THSD7A: variants seen among roughly 807,000 people sequenced by gnomAD.
THSD7A encodes the protein thrombospondin type 1 domain containing 7A.
In THSD7A, 96 loss-of-function variants were observed where a neutral mutation model predicts 231.3. That is an observed-to-expected ratio of 0.41 (90% CI 0.35 to 0.49). The LOEUF is 0.49. THSD7A is among the 20% of genes least tolerant of loss of function. The probability of loss-of-function intolerance (pLI) is 0.05; values close to 1 mark genes in which losing one functional copy is unlikely to be tolerated. For missense variants in THSD7A, 2,290 were observed against 2,070.2 expected, an observed-to-expected ratio of 1.11 and a Z score of -2.06; for synonymous variants, 940 against 743.3, an observed-to-expected ratio of 1.26 and a Z score of -4.30.
rs1190128893 is a variant in THSD7A, at chr7:11,373,097, A to G, written c.*2697T>C. The G allele has an allele frequency of 1.3e-5, 2 of 150,818 alleles. No homozygotes were observed. The highest frequency in any genetic ancestry group is 4.9e-5 in the African/African-American group (2 of 40,666). The allele number at this position is 150,818 out of a possible 1,614,324, so 9.3% of individuals were successfully genotyped here. Reference sequence around the variant, plus strand: ...TGTGTGTATATATATATATGCATGCATATATGCTGTAAAATCTAATTAATT... The same window carrying G: ...TGTGTGTATATATATATATGCATGCGTATATGCTGTAAAATCTAATTAATT... On this transcript the variant is annotated 3_prime_UTR_variant, in exon 28 of 28. Transcript: ENST00000423059.
intron 1 of THSD7A, among the ~76,000 whole-genome samples, chr7:11,750,186 T>G (rs1782452125): frequency 6.6e-6 from 1 of 151,862 alleles, no homozygotes; most frequent in Non-Finnish European, 1.5e-5. Flanking sequence ...GAGACAAGCA[T>G]GTAGCATACC....
intron 1 of THSD7A, among the ~76,000 whole-genome samples, chr7:11,780,869 T>A (rs960549562): frequency 1.3e-5 from 2 of 150,730 alleles, no homozygotes; most frequent in African/African-American, 2.4e-5. Flanking sequence ...CGGGCGCCTG[T>A]AGTCCCAGCT....
chr7:11,674,976 C>T (rs1354023304), intron 1 of THSD7A, among the ~76,000 whole-genome samples: 2 of 152,134 alleles, frequency 1.3e-5, no homozygotes, highest in Non-Finnish European at 1.5e-5. Context: ...GATTCCTAGA[C>T]AAGATGGCCG....
chr7:11,602,857 T>G (rs535297940), intron 2 of THSD7A, among the ~76,000 whole-genome samples: 1 of 151,354 alleles, frequency 6.6e-6, no homozygotes, highest in East Asian at 2.0e-4. Flanking sequence ...TTCTCAGGTT[T>G]TTATGGTTTT....
At chr7:11,771,942 G>T (rs1210160340) in intron 1 of THSD7A, among the ~76,000 whole-genome samples, 1 of 152,160 alleles carries the variant, frequency 6.6e-6, no homozygotes, top group Non-Finnish European at 1.5e-5. Context: ...TGTGATGTGT[G>T]TGCTCTCCTT....
intron 2 of THSD7A, among the ~76,000 whole-genome samples, chr7:11,623,565 G>T (rs976718514): frequency 6.6e-6 from 1 of 152,128 alleles, no homozygotes; most frequent in Admixed American, 6.6e-5. Flanking sequence ...CCCCATGGCT[G>T]ACTTCCTCTT....
chr7:11,420,110 G>A (rs1175953851), intron 16 of THSD7A, among the ~76,000 whole-genome samples: 1 of 152,172 alleles, frequency 6.6e-6, no homozygotes, highest in Non-Finnish European at 1.5e-5. Context: ...CCACGTGGTA[G>A]AAAAGAAAAA....
intron 1 of THSD7A, among the ~76,000 whole-genome samples, chr7:11,712,113 G>T (rs781116298): frequency 6.6e-6 from 1 of 150,974 alleles, no homozygotes; most frequent in Non-Finnish European, 1.5e-5. Flanking sequence ...CTAGACTTCT[G>T]TCTATGGTAT....
chr7:11,739,463 G>T (rs1048862401), intron 1 of THSD7A, among the ~76,000 whole-genome samples: 3 of 151,966 alleles, frequency 2.0e-5, no homozygotes, highest in Non-Finnish European at 2.9e-5. Context: ...TAGGGATGAA[G>T]AAAGTGGAAA....
At chr7:11,482,914 A>T (rs761191929) in intron 6 of THSD7A, among the ~76,000 whole-genome samples, 3 of 152,228 alleles carry the variant, frequency 2.0e-5, no homozygotes, top group Non-Finnish European at 2.9e-5. Context: ...CCAACAGAAT[A>T]ACCAAAACAG....
At chr7:11,785,672 C>T (rs1322626584) in intron 1 of THSD7A, among the ~76,000 whole-genome samples, 3 of 151,990 alleles carry the variant, frequency 2.0e-5, no homozygotes, top group Non-Finnish European at 4.4e-5. Flanking sequence ...TCAAGAAATC[C>T]ATGATAGAGT....
At chr7:11,644,171 C>G (rs1372425730) in intron 1 of THSD7A, among the ~76,000 whole-genome samples, 1 of 151,876 alleles carries the variant, frequency 6.6e-6, no homozygotes, top group Admixed American at 6.6e-5. Context: ...ATCGAAACAT[C>G]TTTTTGCTTA....
At chr7:11,487,521 T>C (rs1348403192) in intron 6 of THSD7A, among the ~76,000 whole-genome samples, 5 of 152,124 alleles carry the variant, frequency 3.3e-5, no homozygotes, top group Non-Finnish European at 2.9e-5. Context: ...TAATGCAAAA[T>C]ATACACATAT....
At chr7:11,403,615 G>T (rs1468401926) in intron 22 of THSD7A, among the ~76,000 whole-genome samples, 1 of 152,130 alleles carries the variant, frequency 6.6e-6, no homozygotes, top group Non-Finnish European at 1.5e-5. Context: ...TACATGGAAA[G>T]AAAACATACC....
At chr7:11,622,249 T>C (rs545125374) in intron 2 of THSD7A, among the ~76,000 whole-genome samples, 3 of 152,122 alleles carry the variant, frequency 2.0e-5, no homozygotes, top group Non-Finnish European at 4.4e-5. Flanking sequence ...TTATTCAATA[T>C]AACCCCATCT....
chr7:11,610,390 T>C (rs1780883938), intron 2 of THSD7A, among the ~76,000 whole-genome samples: 1 of 152,098 alleles, frequency 6.6e-6, no homozygotes, highest in Non-Finnish European at 1.5e-5. Flanking sequence ...ATGATGTAGA[T>C]AACCAAACAG....
At chr7:11,793,879 G>A (rs1054198854) in intron 1 of THSD7A, among the ~76,000 whole-genome samples, 2 of 151,620 alleles carry the variant, frequency 1.3e-5, no homozygotes, top group Admixed American at 6.6e-5. Context: ...GGAAACACAA[G>A]TAAAAAACAG....
At chr7:11,592,047 C>T (rs1256314477) in intron 3 of THSD7A, among the ~76,000 whole-genome samples, 1 of 152,104 alleles carries the variant, frequency 6.6e-6, no homozygotes, top group Non-Finnish European at 1.5e-5. Context: ...ACTTAGCTTG[C>T]AACAAAAATA....
intron 1 of THSD7A, among the ~76,000 whole-genome samples, chr7:11,797,887 C>T (rs1043290683): frequency 6.6e-6 from 1 of 152,108 alleles, no homozygotes; most frequent in Admixed American, 6.6e-5. Flanking sequence ...TTAATTAATA[C>T]AGAGTCATCT....
Sources: gnomAD v4.1 joint callset for allele counts (sites outside exome capture counted in the v4.1 genomes callset) on GRCh38, gnomAD v4.1.1 for gene constraint, MANE v1.5 for transcripts, NCBI Gene and HGNC (gene_info 2026-07-23, HGNC 2026-07-21) for gene names.